Variants in SLC16A4 observed in about 807,000 individuals in gnomAD.
SLC16A4 encodes the protein probable monocarboxylate transporter 5.
Under a neutral mutation model 47.9 loss-of-function variants are expected in SLC16A4, and 39 were observed. The ratio of observed to expected loss-of-function variants is 0.81; its 90% CI spans 0.63 to 1.06. The LOEUF is 1.06. Ranked by LOEUF, SLC16A4 falls within the 50% of genes least tolerant of loss-of-function variation. SLC16A4 has a pLI of 0.00. For missense variants in SLC16A4, 524 were observed against 573.8 expected (o/e 0.91, Z 0.89); for synonymous variants, 189 against 199.9 (o/e 0.95, Z 0.46).
chr1:110,373,858 G>A (rs1367553937), intron 8 of SLC16A4, among the ~76,000 whole-genome samples: 1 of 150,612 alleles, frequency 6.6e-6, no homozygotes, highest in Non-Finnish European at 1.5e-5. Flanking sequence ...AAATTTTTTT[G>A]TAGAGATGGT....
At chr1:110,381,915 C>A in intron 3 of SLC16A4, 120 bp from the exon 4 acceptor site, 2 of 931,354 alleles carry the variant, frequency 2.1e-6, no homozygotes, top group Non-Finnish European at 1.6e-6. Context: ...TGAAGTATTA[C>A]GTATTCTTCA....
chr1:110,375,586 A>C, intron 7 of SLC16A4, 35 bp from the exon 8 acceptor site: 1 of 1,225,988 alleles, frequency 8.2e-7, no homozygotes, highest in Non-Finnish European at 1.2e-6. Context: ...AGCCATATTA[A>C]GGGTGAAATT....
chr1:110,368,082 C>T (rs941094489), intron 8 of SLC16A4, among the ~76,000 whole-genome samples: 1 of 152,206 alleles, frequency 6.6e-6, no homozygotes, highest in African/African-American at 2.4e-5. Flanking sequence ...CCCGCCTCGG[C>T]CTCCCAAAGT....
At chr1:110,390,013 C>T (rs1218615531) in intron 1 of SLC16A4, among the ~76,000 whole-genome samples, 1 of 152,126 alleles carries the variant, frequency 6.6e-6, no homozygotes, top group African/African-American at 2.4e-5. Context: ...TGTAACAAAC[C>T]TACACATGTA....
chr1:110,367,434 G>A (rs1186704725), intron 8 of SLC16A4, among the ~76,000 whole-genome samples: 1 of 152,164 alleles, frequency 6.6e-6, no homozygotes, highest in Non-Finnish European at 1.5e-5. Flanking sequence ...CTTGAGCTTA[G>A]GAGTTCAAGA....
At chr1:110,375,723 C>T (rs147774739) in intron 7 of SLC16A4, among the ~76,000 whole-genome samples, 172 bp from the exon 8 acceptor site, 7 of 152,230 alleles carry the variant, frequency 4.6e-5, no homozygotes, top group South Asian at 2.1e-4. Context: ...GGACTAATAG[C>T]GAACAGTAAA....
intron 2 of SLC16A4, among the ~76,000 whole-genome samples, chr1:110,387,210 G>A (rs1662778055): frequency 6.6e-6 from 1 of 152,146 alleles, no homozygotes; most frequent in African/African-American, 2.4e-5. Context: ...TGGGCTTACG[G>A]TAATGAGCAT....
chr1:110,388,716 CTGTT>C (rs917161309), intron 2 of SLC16A4, among the ~76,000 whole-genome samples: 29 of 152,228 alleles, frequency 1.9e-4, no homozygotes, highest in African/African-American at 6.7e-4. Flanking sequence ...AGGAACACTT[CTGTT>C]TGTTTGTTTT....
At chr1:110,374,133 G>A (rs540492154) in intron 8 of SLC16A4, among the ~76,000 whole-genome samples, 3 of 152,066 alleles carry the variant, frequency 2.0e-5, no homozygotes, top group East Asian at 3.9e-4. Context: ...TCTGTCCCCC[G>A]GGTTCAAGCA....
chr1:110,381,573 G>T, intron 4 of SLC16A4, 79 bp downstream of exon 4: 1 of 1,429,260 alleles, frequency 7.0e-7, no homozygotes, highest in South Asian at 1.3e-5. Context: ...CACCCACTTT[G>T]GCCTCCCAAA....
chr1:110,375,728 A>G lies in SLC16A4; in HGVS notation c.1243-177T>C, dbSNP rs1661962758. 2.6e-5 allele frequency among the ~76,000 whole-genome samples: 4 copies of G among 152,246 alleles called. No homozygotes were observed. The South Asian group carries it at 8.3e-4, about 31-fold the overall frequency. On this transcript the variant is annotated intron_variant, in intron 7 of 8. Transcript: ENST00000369779. ...AAAGAGCTGAGGACTAATAGCGAAC[A>G]GTAAATGCTAGGCAGGCAGTGTTTT...
intron 3 of SLC16A4, 68 bp from the exon 4 acceptor site, chr1:110,381,863 G>T: frequency 2.2e-6 from 3 of 1,376,520 alleles, no homozygotes; most frequent in South Asian, 2.5e-5. Flanking sequence ...CTCTGATGGC[G>T]ATTTAAATGA....
In SLC16A4 at chr1:110,389,137, A is replaced by C; in HGVS notation, c.87+100T>G. On this transcript the variant is annotated intron_variant, in intron 2 of 8. Coordinates refer to ENST00000369779, the MANE Select transcript of SLC16A4 (RefSeq NM_004696.3). ...CTGCCCACCCCTCCACTCAGATGCC[A>C]AAGATTTCCTAAGTGATCCTATTCG... The C allele has an allele frequency of 4.7e-6, 5 of 1,060,076 alleles. No homozygotes were observed. The East Asian group carries it at 7.2e-5, about 15-fold the overall frequency. The allele number at this position is 1,060,076 out of a possible 1,614,324, so 65.7% of individuals were successfully genotyped here.
At chr1:110,381,168 G>T in intron 4 of SLC16A4, 25 bp from the exon 5 acceptor site, 1 of 1,606,292 alleles carries the variant, frequency 6.2e-7, no homozygotes, top group South Asian at 1.1e-5. Context: ...TAATAGTTTA[G>T]AATCACTCTT....
At position 110,363,638 on chromosome 1, in the gene SLC16A4, A is replaced by T; in HGVS notation, c.*128T>A. The T allele has an allele frequency of 9.6e-7, 1 of 1,044,864 alleles. No homozygotes were observed. The highest frequency in any genetic ancestry group is 1.3e-6 in the Non-Finnish European group (1 of 756,044). The allele number at this position is 1,044,864 out of a possible 1,614,324, so 64.7% of individuals were successfully genotyped here. On this transcript the variant is annotated 3_prime_UTR_variant, in exon 9 of 9. Transcript: ENST00000369779. ...GAGACTCCGTCTCAAAAAAAAAAAAAAAAAAATTGTTTTCCTTCTCATGTT... is the reference window on the plus strand; with the variant it reads ...GAGACTCCGTCTCAAAAAAAAAAAATAAAAAATTGTTTTCCTTCTCATGTT...
Position 110,374,846 on chromosome 1 carries a change from A to G in SLC16A4, c.1336+612T>C, listed in dbSNP as rs144310340. Among the ~76,000 whole-genome samples, 103 of 152,368 alleles carry G rather than the reference A, an allele frequency of 6.8e-4. 1 individual carries two copies. The highest frequency in any genetic ancestry group is 3.4e-3 in the Middle Eastern group (1 of 294). On this transcript the variant is annotated intron_variant, in intron 8 of 8. Coordinates refer to ENST00000369779, the MANE Select transcript of SLC16A4 (RefSeq NM_004696.3). ...CAATTTGAAGGGCCTCTTTTCAAAG[A>G]GAGATACTTAACAGATAACAGGCAA... is the stretch of plus-strand genomic sequence containing the variant.
intron 7 of SLC16A4, 83 bp downstream of exon 7, chr1:110,376,867 C>T: frequency 8.7e-7 from 1 of 1,145,752 alleles, no homozygotes; most frequent in Non-Finnish European, 1.2e-6. Context: ...AAAATTAATA[C>T]AAAATACGTA....
At chr1:110,365,267 G>GCCT (rs1661318880) in intron 8 of SLC16A4, among the ~76,000 whole-genome samples, 1 of 151,876 alleles carries the variant, frequency 6.6e-6, no homozygotes, top group Non-Finnish European at 1.5e-5. Context: ...AGATCATGAT[G>GCCT]CCTCACTGGA....
chr1:110,364,589 C>T (rs1359384000), intron 8 of SLC16A4, among the ~76,000 whole-genome samples: 1 of 146,114 alleles, frequency 6.8e-6, no homozygotes, highest in Non-Finnish European at 1.5e-5. Context: ...TTGCTTACTG[C>T]AACCTCCACC....
Sources: allele counts gnomAD v4.1 joint callset (sites outside exome capture counted in the v4.1 genomes callset), GRCh38; gene constraint gnomAD v4.1.1; transcripts MANE v1.5; gene names NCBI Gene and HGNC (gene_info 2026-07-23, HGNC 2026-07-21).